Variants in ZC3H12C observed in about 807,000 individuals in gnomAD.
ZC3H12C encodes probable ribonuclease ZC3H12C.
In ZC3H12C, 20 loss-of-function variants were observed where a neutral mutation model predicts 76.3. The ratio of observed to expected loss-of-function variants is 0.26; its 90% CI spans 0.18 to 0.38. The LOEUF is 0.38. Among genes scored for constraint, ZC3H12C ranks in the 10% least tolerant of loss-of-function variants. The pLI is 1.00. For missense variants in ZC3H12C, 874 were observed against 1,086.5 expected, an observed-to-expected ratio of 0.80 and a Z score of 2.75; for synonymous variants, 352 against 399.6, an observed-to-expected ratio of 0.88 and a Z score of 1.42.
rs377407994 is a variant in ZC3H12C, at chr11:110,117,989, TAC to T, written c.22-18668_22-18667del. Among the ~76,000 whole-genome samples the T allele has an allele frequency of 7.0e-3, 285 of 40,810 alleles. 40 individuals are homozygous for T. The highest frequency in any genetic ancestry group is 0.017 in the African/African-American group (263 of 15,522). The allele number at this position is 40,810 out of a possible 152,430, so 26.8% of individuals were successfully genotyped here. A position where few individuals can be genotyped will look rare whatever the true frequency, so the allele number is the denominator to read the frequency against. On this transcript the variant is annotated intron_variant, in intron 1 of 5. Coordinates refer to ENST00000278590, the MANE Select transcript of ZC3H12C (RefSeq NM_033390.2). ...TACACACACATATATATTATATATA[TAC>T]ACACATATATATTATATATATACAC...
chr11:110,165,102 C>T lies in ZC3H12C; in HGVS notation c.2017C>T (p.Pro673Ser). Residue 673 changes from proline (P) to serine (S), a missense_variant, in exon 6 of 6, where the codon CCT becomes TCT. Coordinates refer to ENST00000278590, the MANE Select transcript of ZC3H12C (RefSeq NM_033390.2). ...QHMHPHSRLN[P>S]QPFLQNFHDP... ...CATGCACCCTCACAGCCGCCTTAAT[C>T]CTCAACCGTTCCTGCAGAATTTCCA... 1.9e-6 allele frequency: 3 copies of T among 1,613,756 alleles called. No homozygotes were observed. Among genetic ancestry groups the T allele is most frequent in the Non-Finnish European group, 2.5e-6 (3 of 1,179,896 alleles).
At position 110,165,723 on chromosome 11, in the gene ZC3H12C, C is replaced by A; in HGVS notation, c.2638C>A (p.Gln880Lys). ...CGCAGCCATTTTAGTGGAGAAATCC[C>A]AGCTGGGTTATTGAAAGATGATGCA... Reference protein sequence around the residue: ...LAAAILVEKSQLGY With the variant: ...LAAAILVEKSKLGY Residue 880 changes from glutamine (Q) to lysine (K), a missense_variant, in exon 6 of 6, where the codon CAG becomes AAG. Physicochemically the swap from Gln to Lys is moderately conservative, Grantham distance 53. Coordinates refer to ENST00000278590, the MANE Select transcript of ZC3H12C (RefSeq NM_033390.2). 1.9e-6 allele frequency: 3 copies of A among 1,581,044 alleles called. No individual in the cohort carries two copies. Among genetic ancestry groups the A allele is most frequent in the Non-Finnish European group, 2.6e-6 (3 of 1,162,556 alleles).
intron 1 of ZC3H12C, among the ~76,000 whole-genome samples, chr11:110,104,099 T>C (rs1009228726): frequency 6.6e-6 from 1 of 151,418 alleles, no homozygotes; most frequent in African/African-American, 2.4e-5. Context: ...AGTGGTGCAA[T>C]CTTGGGTCAC....
chr11:110,143,066 G>C (rs143111675), intron 2 of ZC3H12C, among the ~76,000 whole-genome samples: 1 of 152,236 alleles, frequency 6.6e-6, no homozygotes. Context: ...CAATAACGTT[G>C]AGTAGCTATA....
At position 110,165,569 on chromosome 11, in the gene ZC3H12C, G is replaced by C. The variant is rs377745861; in HGVS notation, c.2484G>C (p.Pro828=). The change falls in exon 6 of 6, where the codon CCG becomes CCC. Residue 828 remains proline (P), a synonymous_variant. Coordinates refer to ENST00000278590, the MANE Select transcript of ZC3H12C (RefSeq NM_033390.2). ...GGCGGATCCCATACTGTGGAATGCCGCAAGATCCCCCGAGGTATCAAGACA... is the reference window on the plus strand; with the variant it reads ...GGCGGATCCCATACTGTGGAATGCCCCAAGATCCCCCGAGGTATCAAGACA... The part of the protein sequence containing the change: ...PAWRIPYCGM[P]QDPPRYQDNR... 3.2e-5 allele frequency: 51 copies of C among 1,612,118 alleles called. No individual in the cohort carries two copies. Among genetic ancestry groups the C allele is most frequent in the Non-Finnish European group, 4.1e-5 (48 of 1,179,068 alleles).
At chr11:110,124,922 T>TG in intron 1 of ZC3H12C, among the ~76,000 whole-genome samples, 1 of 152,040 alleles carries the variant, frequency 6.6e-6, no homozygotes, top group East Asian at 1.9e-4. Flanking sequence ...AATCTAAGCC[T>TG]GGGGGAATAA....
chr11:110,153,505 A>G (rs1311852611), intron 3 of ZC3H12C, among the ~76,000 whole-genome samples: 1 of 151,834 alleles, frequency 6.6e-6, no homozygotes, highest in Non-Finnish European at 1.5e-5. Context: ...GAGTTTGAAA[A>G]CTATCTGGTT....
In ZC3H12C at chr11:110,167,783, C is replaced by A. The variant is rs1862608508; in HGVS notation, c.*2046C>A. Reference sequence around the variant, plus strand: ...TGTTGTGTTTGAAATGAGTGTGGCACTCATCTGTATCCAGAAATAATATGG... The same window carrying A: ...TGTTGTGTTTGAAATGAGTGTGGCAATCATCTGTATCCAGAAATAATATGG... On this transcript the variant is annotated 3_prime_UTR_variant, in exon 6 of 6. Transcript: ENST00000278590. The A allele has an allele frequency of 6.6e-6, 1 of 152,130 alleles. No homozygotes were observed. Among genetic ancestry groups the A allele is most frequent in the African/African-American group, 2.4e-5 (1 of 41,424 alleles). 9.4% of individuals were successfully genotyped at this position (152,130 alleles called of 1,614,324 possible).
At chr11:110,132,149 C>T (rs556402704) in intron 1 of ZC3H12C, among the ~76,000 whole-genome samples, 1 of 152,302 alleles carries the variant, frequency 6.6e-6, no homozygotes, top group South Asian at 2.1e-4. Flanking sequence ...TGTAACTTTA[C>T]ATTACAAACA....
At chr11:110,100,821 C>T (rs1201765492) in intron 1 of ZC3H12C, among the ~76,000 whole-genome samples, 1 of 152,142 alleles carries the variant, frequency 6.6e-6, no homozygotes. Flanking sequence ...ATGAATAACT[C>T]TGTAATGGCC....
chr11:110,107,523 C>CTT (rs542002464), intron 1 of ZC3H12C, among the ~76,000 whole-genome samples: 1 of 150,270 alleles, frequency 6.7e-6, no homozygotes, highest in Admixed American at 6.7e-5. Flanking sequence ...CTAATTTTTC[C>CTT]TTTTTTTTTG....
chr11:110,151,813 C>T (rs1862275611), intron 2 of ZC3H12C, among the ~76,000 whole-genome samples: 1 of 152,126 alleles, frequency 6.6e-6, no homozygotes, highest in Admixed American at 6.5e-5. Context: ...TGTATTTTCT[C>T]TTGTTTGTAT....
intron 1 of ZC3H12C, among the ~76,000 whole-genome samples, chr11:110,135,450 G>T (rs1008386348): frequency 1.5e-5 from 2 of 133,856 alleles, no homozygotes; most frequent in Admixed American, 8.9e-5. Context: ...AGATTACACC[G>T]CTGCACTCCA....
Position 110,165,935 on chromosome 11 carries a change from CTTT to C in ZC3H12C, c.*207_*209del. 2 of 486,310 alleles carry C rather than the reference CTTT, an allele frequency of 4.1e-6. No individual in the cohort carries two copies. Among genetic ancestry groups the C allele is most frequent in the East Asian group, 3.6e-5 (1 of 27,640 alleles). 30.1% of individuals were successfully genotyped at this position (486,310 alleles called of 1,614,324 possible). A position where few individuals can be genotyped will look rare whatever the true frequency, so the allele number is the denominator to read the frequency against. On this transcript the variant is annotated 3_prime_UTR_variant, in exon 6 of 6. Transcript: ENST00000278590. ...ATCACGGGATTGCTTTACATTTAAA[CTTT>C]TTTTTTTTAACATTTCCTTTTTAAA... is the stretch of plus-strand genomic sequence containing the variant.
intron 1 of ZC3H12C, among the ~76,000 whole-genome samples, chr11:110,115,837 T>C (rs1419688471): frequency 6.7e-6 from 1 of 150,144 alleles, no homozygotes; most frequent in African/African-American, 2.4e-5. Context: ...CTTGGCTCAC[T>C]GCAACCTTCG....
chr11:110,097,602 G>A (rs150758348), intron 1 of ZC3H12C, among the ~76,000 whole-genome samples: 221 of 152,276 alleles, frequency 1.5e-3, no homozygotes, highest in African/African-American at 5.0e-3. Flanking sequence ...AGGTATTTCA[G>A]TACCTCTTTT....
chr11:110,113,693 C>T (rs1301066009), intron 1 of ZC3H12C, among the ~76,000 whole-genome samples: 1 of 152,202 alleles, frequency 6.6e-6, no homozygotes, highest in Non-Finnish European at 1.5e-5. Context: ...AACCTTGACC[C>T]ACATCCTCTT....
intron 2 of ZC3H12C, among the ~76,000 whole-genome samples, chr11:110,147,500 C>T (rs544332348): frequency 4.6e-5 from 7 of 151,564 alleles, no homozygotes; most frequent in Non-Finnish European, 7.4e-5. Context: ...ACCTAATGCT[C>T]GCGGGGCTTA....
At position 110,167,731 on chromosome 11, in the gene ZC3H12C, G is replaced by GA. The variant is rs962014598; in HGVS notation, c.*1997dup. ...ACCGTGTTCAGCAAACTTAATTCAGGAAAGTGGTATTCTACACAATTATTG... is the reference window on the plus strand; with the variant it reads ...ACCGTGTTCAGCAAACTTAATTCAGGAAAAGTGGTATTCTACACAATTATTG... On this transcript the variant is annotated 3_prime_UTR_variant, in exon 6 of 6. Transcript: ENST00000278590. 3 of 152,146 alleles carry GA rather than the reference G, an allele frequency of 2.0e-5. No homozygotes were observed. The highest frequency in any genetic ancestry group is 4.4e-5 in the Non-Finnish European group (3 of 67,996). The allele number at this position is 152,146 out of a possible 1,614,324, so 9.4% of individuals were successfully genotyped here. A position where few individuals can be genotyped will look rare whatever the true frequency, so the allele number is the denominator to read the frequency against.
Sources: gnomAD v4.1 joint callset for allele counts (sites outside exome capture counted in the v4.1 genomes callset) on GRCh38, gnomAD v4.1.1 for gene constraint, MANE v1.5 for transcripts, NCBI Gene and HGNC (gene_info 2026-07-23, HGNC 2026-07-21) for gene names.